EPHA5: variants seen among roughly 807,000 people sequenced by gnomAD.
EPHA5 encodes the protein EPH receptor A5, also known as ephrin type-A receptor 5.
In EPHA5, 60 loss-of-function variants were observed where a neutral mutation model predicts 105.0. That is an observed-to-expected ratio of 0.57 (90% CI 0.46 to 0.71). EPHA5 has a LOEUF of 0.71. Among genes scored for constraint, EPHA5 ranks in the 30% least tolerant of loss-of-function variants. EPHA5 has a pLI of 0.00. For synonymous variants in EPHA5, 513 were observed against 449.1 expected (o/e 1.14, Z -1.80); for missense variants, 1,218 against 1,274.7 (o/e 0.96, Z 0.68).
chr4:65,342,735 G>A (rs72640269), intron 14 of EPHA5, among the ~76,000 whole-genome samples: 7,765 of 150,692 alleles, frequency 0.052, 227 homozygotes, highest in Admixed American at 0.064. Flanking sequence ...ATATGTATAT[G>A]AGCAATATAC....
intron 4 of EPHA5, among the ~76,000 whole-genome samples, chr4:65,494,675 A>G (rs1731740866): frequency 6.6e-6 from 1 of 152,138 alleles, no homozygotes. Context: ...CTATTCATCT[A>G]CTCTACTTAT....
intron 5 of EPHA5, among the ~76,000 whole-genome samples, chr4:65,475,815 C>T (rs1302251591): frequency 4.6e-5 from 7 of 152,050 alleles, no homozygotes; most frequent in Non-Finnish European, 7.4e-5. Context: ...AGATTTGACA[C>T]GAAATAGTAG....
Position 65,643,481 on chromosome 4 carries a change from T to C in EPHA5, c.182-54A>G, listed in dbSNP as rs866246193. 2.8e-5 allele frequency: 39 copies of C among 1,387,432 alleles called. No individual in the cohort carries two copies. In the Middle Eastern group the frequency reaches 5.4e-4, roughly 19 times the overall value. 85.9% of individuals were successfully genotyped at this position (1,387,432 alleles called of 1,614,324 possible). ...GAAATGTATATTATCATGAATATTG[T>C]ATCTCTATTTTAATAGTGTTATTAA... On this transcript the variant is annotated intron_variant, in intron 1 of 16. Transcript: ENST00000613740.
At chr4:65,633,102 A>T (rs1209512192) in intron 2 of EPHA5, among the ~76,000 whole-genome samples, 1 of 152,056 alleles carries the variant, frequency 6.6e-6, no homozygotes, top group Non-Finnish European at 1.5e-5. Flanking sequence ...TAGTGCAAGC[A>T]CTGAACAACA....
rs561879213 is a variant in EPHA5 at position 65,320,469 on chromosome 4, A to G, written c.*3645T>C. On this transcript the variant is annotated 3_prime_UTR_variant, in exon 17 of 17. Transcript: ENST00000613740. ...TTTTTTCTTATTTTTAGGAAAAACA[A>G]AATGAGAAAGGGACCTTATTCTACT... 2 of 229,320 alleles carry G rather than the reference A, an allele frequency of 8.7e-6. No homozygotes were observed. The highest frequency in any genetic ancestry group is 1.1e-4 in the Admixed American group (2 of 17,588). 14.2% of individuals were successfully genotyped at this position (229,320 alleles called of 1,614,324 possible).
chr4:65,373,512 A>G (rs1718693551), intron 8 of EPHA5, among the ~76,000 whole-genome samples: 1 of 151,962 alleles, frequency 6.6e-6, no homozygotes. Context: ...CAGAATTAAT[A>G]TAGAGAAAGG....
At chr4:65,503,365 C>G (rs4860672) in intron 3 of EPHA5, among the ~76,000 whole-genome samples, 147,893 of 151,872 alleles carry the variant, frequency 0.97, 72,127 homozygotes, top group East Asian at 1. Context: ...ATTTAAACTA[C>G]GAGCTCTAAA....
rs1056370250 is a variant in EPHA5, at chr4:65,669,725, G to C, written c.18C>G (p.Pro6=). The C allele has an allele frequency of 3.9e-6, 5 of 1,270,156 alleles. No homozygotes were observed. Among genetic ancestry groups the C allele is most frequent in the African/African-American group, 1.5e-5 (1 of 64,798 alleles). 78.7% of individuals were successfully genotyped at this position (1,270,156 alleles called of 1,614,324 possible). Residue 6 remains proline, a synonymous_variant, in exon 1 of 17, where the codon CCC becomes CCG. Coordinates refer to ENST00000613740, the MANE Select transcript of EPHA5 (RefSeq NM_001281766.3). The part of the protein sequence containing the change: MRGSG[P]RGAGRRRPPS... The stretch of plus-strand genomic sequence containing the variant: ...GGGGCCGCCGGCGTCCCGCACCCCG[G>C]GGCCCCGAGCCCCGCATCTTCTCCG...
At chr4:65,554,793 A>G (rs1158200327) in intron 3 of EPHA5, among the ~76,000 whole-genome samples, 1 of 151,708 alleles carries the variant, frequency 6.6e-6, no homozygotes. Context: ...TTTAGTGAGA[A>G]TTTATCCTAT....
intron 7 of EPHA5, among the ~76,000 whole-genome samples, chr4:65,407,395 T>A (rs1722465779): frequency 6.6e-6 from 1 of 152,152 alleles, no homozygotes; most frequent in African/African-American, 2.4e-5. Flanking sequence ...TGTCAAATTC[T>A]TCATTTTTAG....
At chr4:65,595,538 T>G (rs2149424809) in intron 3 of EPHA5, among the ~76,000 whole-genome samples, 1 of 152,132 alleles carries the variant, frequency 6.6e-6, no homozygotes, top group Admixed American at 6.6e-5. Context: ...TTATAACCTG[T>G]AGCTACCCTT....
intron 2 of EPHA5, among the ~76,000 whole-genome samples, chr4:65,624,588 C>T (rs972909779): frequency 2.0e-5 from 3 of 152,216 alleles, no homozygotes; most frequent in Admixed American, 1.3e-4. Flanking sequence ...TCATAAGGAA[C>T]ATTAAAATTC....
At chr4:65,503,594 A>G (rs1291108086) in intron 3 of EPHA5, among the ~76,000 whole-genome samples, 2 of 151,808 alleles carry the variant, frequency 1.3e-5, no homozygotes, top group African/African-American at 2.4e-5. Context: ...CTCACCAAAT[A>G]TTGGCAGAAA....
chr4:65,472,097 T>C (rs942450932), intron 5 of EPHA5, among the ~76,000 whole-genome samples: 1 of 152,178 alleles, frequency 6.6e-6, no homozygotes. Context: ...GATACAGGCA[T>C]TGGATACATG....
Position 65,383,220 on chromosome 4 carries a change from TACACACAC to T in EPHA5, c.1794-15804_1794-15797del, listed in dbSNP as rs142791536. 6.9e-5 allele frequency among the ~76,000 whole-genome samples: 10 copies of T among 144,608 alleles called. No homozygotes were observed. The South Asian group carries it at 2.0e-3, about 29-fold the overall frequency. 94.9% of individuals were successfully genotyped at this position (144,608 alleles called of 152,430 possible). Reference sequence around the variant, plus strand: ...TATACATCATGATGCATATATGATATACACACACACACACACACACACACACATATACA... The same window carrying T: ...TATACATCATGATGCATATATGATATACACACACACACACACACATATACA... On this transcript the variant is annotated intron_variant, in intron 8 of 16. Coordinates refer to ENST00000613740, the MANE Select transcript of EPHA5 (RefSeq NM_001281766.3).
intron 3 of EPHA5, among the ~76,000 whole-genome samples, chr4:65,601,014 T>C (rs1743669072): frequency 6.6e-6 from 1 of 152,182 alleles, no homozygotes; most frequent in African/African-American, 2.4e-5. Flanking sequence ...TTTGTATTGG[T>C]TCTATCTTCA....
At chr4:65,597,701 CA>C (rs1358863283) in intron 3 of EPHA5, among the ~76,000 whole-genome samples, 1 of 152,098 alleles carries the variant, frequency 6.6e-6, no homozygotes, top group African/African-American at 2.4e-5. Flanking sequence ...TAAGTTCATA[CA>C]ATAGAAATGA....
At chr4:65,571,248 A>G (rs2149375459) in intron 3 of EPHA5, among the ~76,000 whole-genome samples, 1 of 152,156 alleles carries the variant, frequency 6.6e-6, no homozygotes, top group African/African-American at 2.4e-5. Context: ...TACTTTAAAA[A>G]GGAACGCTTA....
At position 65,602,276 on chromosome 4, in the gene EPHA5, T is replaced by C; in HGVS notation, c.275A>G (p.Asn92Ser). ...TTGGTATGTGTGGATAGGGGCATAA[T>C]TTTCATCCACTTCACCAATCTCTTC... ...GWEEIGEVDE[N>S]YAPIHTYQVC... is the part of the protein sequence containing the mutation. Residue 92 changes from asparagine (N) to serine (S), a missense_variant, in exon 3 of 17, where the codon AAT becomes AGT. Asn to Ser is a conservative substitution (Grantham distance 46). Transcript: ENST00000613740. The C allele has an allele frequency of 6.2e-7, 1 of 1,602,836 alleles. No homozygotes were observed. Among genetic ancestry groups the C allele is most frequent in the Non-Finnish European group, 8.5e-7 (1 of 1,176,124 alleles).
Sources: gnomAD v4.1 joint callset for allele counts (sites outside exome capture counted in the v4.1 genomes callset) on GRCh38, gnomAD v4.1.1 for gene constraint, MANE v1.5 for transcripts, NCBI Gene and HGNC (gene_info 2026-07-23, HGNC 2026-07-21) for gene names.